HMGN5: variants seen among roughly 807,000 people sequenced by gnomAD.
HMGN5 encodes the protein high mobility group nucleosome-binding domain-containing protein 5.
HMGN5 carries 4 observed loss-of-function variants against 9.5 expected under a neutral mutation model. That is an observed-to-expected ratio of 0.42 (90% CI 0.21 to 0.96). HMGN5 has a LOEUF of 0.96. Ranked by LOEUF, HMGN5 falls within the 40% of genes least tolerant of loss-of-function variation. The pLI, the probability that HMGN5 is intolerant of heterozygous loss-of-function variation, is 0.30. For missense variants in HMGN5, 192 were observed against 187.5 expected (o/e 1.02, Z -0.14); for synonymous variants, 55 against 57.1 (o/e 0.96, Z 0.16).
rs1309685397 is a variant in HMGN5, at chrX:81,151,813, T to C, written c.-123-30141A>G. 2.7e-5 allele frequency among the ~76,000 whole-genome samples: 3 copies of C among 110,908 alleles called. No homozygotes were observed. In the East Asian group the frequency reaches 8.4e-4, roughly 31 times the overall value. On this transcript the variant is annotated intron_variant, in intron 1 of 6. Transcript: ENST00000358130. The stretch of plus-strand genomic sequence containing the variant: ...ACATTGATTTTATATCCTGAGACTT[T>C]GCTGAAGTTGCTTATCAGCTTAAGG...
chrX:81,164,899 C>A (rs1436568901), intron 1 of HMGN5, among the ~76,000 whole-genome samples: 1 of 111,254 alleles, frequency 9.0e-6, no homozygotes, highest in Non-Finnish European at 1.9e-5. Flanking sequence ...ACTCACTAGA[C>A]TATAACCTCT....
rs2075253064 is a variant in HMGN5 at position 81,116,233 on chromosome X, C to G, written c.238G>C (p.Ala80Pro). The G allele has an allele frequency of 8.4e-7, 1 of 1,194,265 alleles. No individual in the cohort carries two copies. The highest frequency in any genetic ancestry group is 1.8e-5 in the South Asian group (1 of 55,349). Residue 80 changes from alanine (A) to proline (P), a missense_variant, in exon 6 of 7, where the codon GCT becomes CCT. Physicochemically the swap from Ala to Pro is conservative, Grantham distance 27. Transcript: ENST00000358130. ...AVVEEDYNEN[A>P]KNGEAKITEA... ...GTAATTTTGGCTTCTCCATTTTTAG[C>G]ATTTTCATTGTAGTCTTCTTCAACA...
intron 1 of HMGN5, among the ~76,000 whole-genome samples, chrX:81,125,276 T>C (rs1449801183): frequency 9.0e-6 from 1 of 111,276 alleles, no homozygotes; most frequent in Non-Finnish European, 1.9e-5. Context: ...TGGAAAACTA[T>C]ATACTATTGT....
chrX:81,172,155 C>A, intron 1 of HMGN5, among the ~76,000 whole-genome samples: 1 of 110,682 alleles, frequency 9.0e-6, no homozygotes, highest in Admixed American at 9.6e-5. Flanking sequence ...TGGTTTTTCC[C>A]TCTGCTCTTT....
intron 1 of HMGN5, among the ~76,000 whole-genome samples, chrX:81,150,653 T>C (rs1466943929): frequency 8.9e-6 from 1 of 111,871 alleles, no homozygotes; most frequent in Admixed American, 9.5e-5. Flanking sequence ...TATTTTGAAA[T>C]GAAGAAAGCA....
chrX:81,162,988 G>A (rs914880670), intron 1 of HMGN5, among the ~76,000 whole-genome samples: 12 of 111,341 alleles, frequency 1.1e-4, no homozygotes, highest in South Asian at 3.8e-4. Context: ...TGGGGTCTGC[G>A]TTCCCCTCCA....
chrX:81,177,383 A>G (rs1462747716), intron 1 of HMGN5, among the ~76,000 whole-genome samples: 2 of 98,998 alleles, frequency 2.0e-5, no homozygotes, highest in East Asian at 6.2e-4. Flanking sequence ...AAAAAAAAAA[A>G]AAAAAAAAAA....
intron 1 of HMGN5, among the ~76,000 whole-genome samples, chrX:81,193,007 A>C (rs1180447956): frequency 2.7e-5 from 3 of 111,429 alleles, no homozygotes; most frequent in Non-Finnish European, 5.6e-5. Flanking sequence ...TTGAGATGAA[A>C]ATGTGGTACT....
At chrX:81,198,255 G>A (rs1182161383) in intron 1 of HMGN5, among the ~76,000 whole-genome samples, 2 of 111,166 alleles carry the variant, frequency 1.8e-5, no homozygotes, top group Non-Finnish European at 3.8e-5. Context: ...TTCTGCCTAC[G>A]TTGTCTTCAG....
intron 1 of HMGN5, among the ~76,000 whole-genome samples, chrX:81,179,587 T>C (rs1465676091): frequency 1.8e-5 from 2 of 111,861 alleles, no homozygotes; most frequent in Non-Finnish European, 3.8e-5. Flanking sequence ...TCCATGCTCA[T>C]GGATAGGAGG....
At chrX:81,141,560 G>C (rs977036267) in intron 1 of HMGN5, among the ~76,000 whole-genome samples, 3 of 111,167 alleles carry the variant, frequency 2.7e-5, no homozygotes, top group Non-Finnish European at 5.7e-5. Context: ...TCTCTGCCTG[G>C]TAGCACAGAA....
intron 1 of HMGN5, among the ~76,000 whole-genome samples, chrX:81,136,974 A>G (rs774710243): frequency 8.9e-6 from 1 of 111,816 alleles, no homozygotes; most frequent in East Asian, 2.8e-4. Flanking sequence ...TGATAAAAGG[A>G]TCAATTCACC....
chrX:81,192,670 A>G (rs2075497158), intron 1 of HMGN5, among the ~76,000 whole-genome samples: 1 of 111,920 alleles, frequency 8.9e-6, no homozygotes, highest in Non-Finnish European at 1.9e-5. Flanking sequence ...TTTGGTGAAT[A>G]ATTCTCTTTT....
intron 1 of HMGN5, among the ~76,000 whole-genome samples, chrX:81,192,098 A>G (rs1051959979): frequency 9.0e-6 from 1 of 111,479 alleles, no homozygotes; most frequent in African/African-American, 3.3e-5. Context: ...TGGGATTAGC[A>G]AGTGATGCCC....
At chrX:81,138,215 T>G (rs2075317046) in intron 1 of HMGN5, among the ~76,000 whole-genome samples, 1 of 112,032 alleles carries the variant, frequency 8.9e-6, no homozygotes, top group Non-Finnish European at 1.9e-5. Flanking sequence ...TTGGCAAACC[T>G]AATCCAACAA....
rs752425907 is a variant in HMGN5 at position 81,177,221 on chromosome X, A to G, written c.-124+24516T>C. Among the ~76,000 whole-genome samples the G allele has an allele frequency of 3.0e-4, 33 of 108,362 alleles. 1 individual carries two copies. The highest frequency in any genetic ancestry group is 2.2e-3 in the Admixed American group (22 of 9,980). The allele number at this position is 108,362 out of a possible 115,157, so 94.1% of individuals were successfully genotyped here. A position where few individuals can be genotyped will look rare whatever the true frequency, so the allele number is the denominator to read the frequency against. On this transcript the variant is annotated intron_variant, in intron 1 of 6. Transcript: ENST00000358130. ...TACTAAAATATTAAAAAAAAATTTC[A>G]ACCCAGAATTTCATATTCAGCCAAA... is the stretch of plus-strand genomic sequence containing the variant.
At chrX:81,135,095 A>G (rs1441908479) in intron 1 of HMGN5, among the ~76,000 whole-genome samples, 1 of 111,760 alleles carries the variant, frequency 8.9e-6, no homozygotes. Flanking sequence ...CACCAAGAGC[A>G]CACTCAATAA....
intron 1 of HMGN5, among the ~76,000 whole-genome samples, chrX:81,180,084 T>C (rs1341844563): frequency 3.6e-5 from 4 of 111,765 alleles, no homozygotes; most frequent in African/African-American, 1.3e-4. Context: ...ATGTTAGACC[T>C]AAAACCATAA....
intron 2 of HMGN5, 69 bp downstream of exon 2, chrX:81,121,462 CAAAT>C: frequency 6.6e-6 from 7 of 1,057,262 alleles, no homozygotes; most frequent in Non-Finnish European, 9.2e-6. Context: ...ACCAAACAAA[CAAAT>C]AAATTCTTCC....
Sources: allele counts gnomAD v4.1 joint callset (sites outside exome capture counted in the v4.1 genomes callset), GRCh38; gene constraint gnomAD v4.1.1; transcripts MANE v1.5; gene names NCBI Gene and HGNC (gene_info 2026-07-23, HGNC 2026-07-21).